The following MACROD2 variants were observed in gnomAD, a reference collection of about 807,000 sequenced individuals.
MACROD2 encodes mono-ADP ribosylhydrolase 2.
MACROD2 carries 36 observed loss-of-function variants against 70.4 expected under a neutral mutation model. The ratio of observed to expected loss-of-function variants is 0.51; its 90% CI spans 0.39 to 0.68. The LOEUF (loss-of-function observed/expected upper bound fraction) is 0.68. MACROD2 is among the 30% of genes least tolerant of loss of function. MACROD2 has a pLI of 0.00. For synonymous variants in MACROD2, 172 were observed against 178.8 expected, an observed-to-expected ratio of 0.96 and a Z score of 0.30; for missense variants, 496 against 538.4, an observed-to-expected ratio of 0.92 and a Z score of 0.78.
Position 14,507,668 on chromosome 20 carries a change from C to A in MACROD2, c.301+14160C>A, listed in dbSNP as rs1003753405. 2.6e-5 allele frequency among the ~76,000 whole-genome samples: 4 copies of A among 152,102 alleles called. No individual in the cohort carries two copies. In the East Asian group the frequency reaches 5.8e-4, roughly 22 times the overall value. The stretch of plus-strand genomic sequence containing the variant: ...TGCCATTTTAAATATAGTTAAGAAA[C>A]TAAAGGATACATATATTTAAAGAAT... On this transcript the variant is annotated intron_variant, in intron 4 of 17. Transcript: ENST00000684519.
intron 3 of MACROD2, among the ~76,000 whole-genome samples, chr20:14,404,570 C>T (rs1232788273): frequency 4.0e-5 from 6 of 149,772 alleles, no homozygotes; most frequent in African/African-American, 1.2e-4. Context: ...GCACTCCAGC[C>T]GGGGTGACAA....
rs113667803 is a variant in MACROD2, at chr20:15,239,184, AT to A, written c.540+9140del. 7.9e-3 allele frequency among the ~76,000 whole-genome samples: 1,088 copies of A among 137,958 alleles called. 9 individuals are homozygous for A. The highest frequency in any genetic ancestry group is 0.02 in the African/African-American group (730 of 36,982). 90.5% of individuals were successfully genotyped at this position (137,958 alleles called of 152,430 possible). ...AACATTTTTTCTTGCAAATGTTCAG[AT>A]TTTTTTTTTTTTTTTTGGAGAGCAA... On this transcript the variant is annotated intron_variant, in intron 6 of 17. Transcript: ENST00000684519.
intron 2 of MACROD2, among the ~76,000 whole-genome samples, chr20:14,015,727 C>G (rs1569116489): frequency 2.6e-5 from 4 of 152,194 alleles, no homozygotes; most frequent in Admixed American, 1.3e-4. Flanking sequence ...GGAATCATAA[C>G]ATGTTTATCT....
intron 4 of MACROD2, among the ~76,000 whole-genome samples, chr20:14,631,673 G>A (rs1438609155): frequency 6.6e-6 from 1 of 152,192 alleles, no homozygotes; most frequent in Non-Finnish European, 1.5e-5. Context: ...TACTCAGGAG[G>A]CTGAGGCAGG....
chr20:14,856,272 A>C (rs1310939538), intron 5 of MACROD2, among the ~76,000 whole-genome samples: 1 of 152,202 alleles, frequency 6.6e-6, no homozygotes, highest in African/African-American at 2.4e-5. Flanking sequence ...AATAGAGATT[A>C]ATGATCTGAT....
chr20:14,251,693 T>C (rs2082013999), intron 3 of MACROD2, among the ~76,000 whole-genome samples: 1 of 151,946 alleles, frequency 6.6e-6, no homozygotes, highest in African/African-American at 2.4e-5. Context: ...AAGTGGAAAA[T>C]AGACAATGAG....
At chr20:14,351,307 A>T (rs377692570) in intron 3 of MACROD2, among the ~76,000 whole-genome samples, 7 of 151,348 alleles carry the variant, frequency 4.6e-5, no homozygotes, top group Admixed American at 1.3e-4. Flanking sequence ...TTTGATAGAG[A>T]TTGCATTGAA....
intron 3 of MACROD2, among the ~76,000 whole-genome samples, chr20:14,360,829 A>G (rs888446120): frequency 1.3e-5 from 2 of 152,300 alleles, no homozygotes; most frequent in Middle Eastern, 3.4e-3. Flanking sequence ...AGGTGTGTCA[A>G]ATGTTTAGCA....
chr20:15,648,742 G>A (rs558232976), intron 8 of MACROD2, among the ~76,000 whole-genome samples: 1 of 152,234 alleles, frequency 6.6e-6, no homozygotes, highest in South Asian at 2.1e-4. Context: ...TGGATGGATG[G>A]ATGGATGGGT....
At chr20:15,319,089 T>C (rs891333258) in intron 6 of MACROD2, among the ~76,000 whole-genome samples, 1 of 152,182 alleles carries the variant, frequency 6.6e-6, no homozygotes, top group Non-Finnish European at 1.5e-5. Flanking sequence ...AGAAAACTGC[T>C]AGTGTTAGTA....
intron 5 of MACROD2, among the ~76,000 whole-genome samples, chr20:14,745,081 G>A (rs2071782905): frequency 6.6e-6 from 1 of 152,068 alleles, no homozygotes; most frequent in African/African-American, 2.4e-5. Context: ...GATTTCTTCT[G>A]AATCATTTGT....
At chr20:15,946,960 T>G (rs1217231053) in intron 12 of MACROD2, among the ~76,000 whole-genome samples, 2 of 152,082 alleles carry the variant, frequency 1.3e-5, no homozygotes, top group Non-Finnish European at 2.9e-5. Context: ...CAAATAAGTT[T>G]AAGGGAAGGT....
At chr20:15,203,833 T>A (rs1199805224) in intron 5 of MACROD2, among the ~76,000 whole-genome samples, 10 of 152,248 alleles carry the variant, frequency 6.6e-5, no homozygotes, top group Non-Finnish European at 1.2e-4. Flanking sequence ...AAAAATCCTA[T>A]GTTAAATTAA....
At chr20:15,848,366 A>C (rs59314578) in intron 8 of MACROD2, among the ~76,000 whole-genome samples, 1 of 148,702 alleles carries the variant, frequency 6.7e-6, no homozygotes, top group African/African-American at 2.6e-5. Flanking sequence ...AGCCAGGGGG[A>C]GGGGGGGGTC....
At chr20:15,534,668 C>T (rs2047849937) in intron 8 of MACROD2, among the ~76,000 whole-genome samples, 1 of 152,068 alleles carries the variant, frequency 6.6e-6, no homozygotes, top group Non-Finnish European at 1.5e-5. Context: ...CAGTTCAACC[C>T]CCAATATACA....
chr20:15,856,402 T>C (rs995139656), intron 8 of MACROD2, among the ~76,000 whole-genome samples: 5 of 152,220 alleles, frequency 3.3e-5, no homozygotes, highest in Non-Finnish European at 5.9e-5. Flanking sequence ...ATAGTGCTTT[T>C]GTTTTTCTTT....
At chr20:15,804,226 GACA>G (rs1380114903) in intron 8 of MACROD2, among the ~76,000 whole-genome samples, 4 of 152,190 alleles carry the variant, frequency 2.6e-5, no homozygotes, top group South Asian at 4.1e-4. Flanking sequence ...GCTGTGCTGT[GACA>G]ACATCTTTGG....
At position 15,744,245 on chromosome 20, in the gene MACROD2, T is replaced by C. The variant is rs1029316462; in HGVS notation, c.646-118500T>C. ...AAAGACTAAAATAGCCAAGAAATGC[T>C]GAATTGATTAGTAAATAATATGATT... On this transcript the variant is annotated intron_variant, in intron 8 of 17. Coordinates refer to ENST00000684519, the MANE Select transcript of MACROD2 (RefSeq NM_001351661.2). 2.0e-5 allele frequency among the ~76,000 whole-genome samples: 3 copies of C among 152,332 alleles called. 1 individual carries two copies. The East Asian group carries it at 5.8e-4, about 29-fold the overall frequency.
intron 5 of MACROD2, among the ~76,000 whole-genome samples, chr20:14,800,989 C>T (rs1048313517): frequency 6.6e-6 from 1 of 152,128 alleles, no homozygotes; most frequent in Admixed American, 6.5e-5. Context: ...AGCTTGACAA[C>T]ACACATGTGA....
Sources: gnomAD v4.1 joint callset for allele counts (sites outside exome capture counted in the v4.1 genomes callset) on GRCh38, gnomAD v4.1.1 for gene constraint, MANE v1.5 for transcripts, NCBI Gene and HGNC (gene_info 2026-07-23, HGNC 2026-07-21) for gene names.